ALG9: variants seen among roughly 807,000 people sequenced by gnomAD.
ALG9 encodes ALG9 alpha-1,2-mannosyltransferase.
ALG9 carries 55 observed loss-of-function variants against 81.8 expected under a neutral mutation model. The observed-to-expected ratio is 0.67, with a 90% CI of 0.54 to 0.84. ALG9 has a LOEUF of 0.84. ALG9 is among the 40% of genes least tolerant of loss of function. ALG9 has a pLI of 0.00. For missense variants in ALG9, 629 were observed against 745.0 expected, an observed-to-expected ratio of 0.84 and a Z score of 1.81; for synonymous variants, 278 against 274.3, an observed-to-expected ratio of 1.01 and a Z score of -0.13.
chr11:111,811,343 G>C lies in ALG9; in HGVS notation c.1603-1570C>G, dbSNP rs184246712. ...AGATCACCTGAGGTCAGGAGTTCAAGATCAGCCTGGCCAACATGGGGAAAC... is the reference window on the plus strand; with the variant it reads ...AGATCACCTGAGGTCAGGAGTTCAACATCAGCCTGGCCAACATGGGGAAAC... On this transcript the variant is annotated intron_variant, in intron 13 of 14. Transcript: ENST00000616540. Among the ~76,000 whole-genome samples, 23 of 152,244 alleles carry C rather than the reference G, an allele frequency of 1.5e-4. No individual in the cohort carries two copies. In the East Asian group the frequency reaches 4.4e-3, roughly 29 times the overall value.
downstream of ALG9, among the ~76,000 whole-genome samples, chr11:111,780,104 C>T (rs1555056408): frequency 6.6e-6 from 1 of 152,166 alleles, no homozygotes; most frequent in Non-Finnish European, 1.5e-5. Flanking sequence ...CCTAGCAGGA[C>T]ATGTAGCTGG....
At chr11:111,776,320 T>G in the ALG9 span, among the ~76,000 whole-genome samples, 1 of 152,166 alleles carries the variant, frequency 6.6e-6, no homozygotes, top group Non-Finnish European at 1.5e-5. Context: ...CTGGACATAG[T>G]GGTTCACGCC....
intron 11 of ALG9, 68 bp downstream of exon 11, chr11:111,838,181 A>T: frequency 6.3e-7 from 1 of 1,584,780 alleles, no homozygotes; most frequent in Non-Finnish European, 8.7e-7. Flanking sequence ...TTATATAATC[A>T]TGAATCAAGT....
At position 111,796,204 on chromosome 11, in the gene ALG9, A is replaced by C. The variant is rs555148502; in HGVS notation, c.1734-9684T>G. Among the ~76,000 whole-genome samples, 239 of 152,328 alleles carry C rather than the reference A, an allele frequency of 1.6e-3. 1 individual carries two copies. Among genetic ancestry groups the C allele is most frequent in the Admixed American group, 3.7e-3 (56 of 15,298 alleles). ...TACCATCTTTTTTCTATTTAGTATA[A>C]ATCCAGTTTTAAGAATGTGAAATAC... is the stretch of plus-strand genomic sequence containing the variant. On this transcript the variant is annotated intron_variant, in intron 14 of 14. Transcript: ENST00000616540.
At chr11:111,853,831 C>T in intron 6 of ALG9, 95 bp from the exon 7 acceptor site, 8 of 1,151,416 alleles carry the variant, frequency 6.9e-6, no homozygotes, top group Non-Finnish European at 1.1e-5. Context: ...GAATAAAATG[C>T]CTCTGCCAGT....
intron 8 of ALG9, 136 bp from the exon 9 acceptor site, chr11:111,844,859 C>T: frequency 1.1e-6 from 1 of 932,274 alleles, no homozygotes; most frequent in Non-Finnish European, 1.7e-6. Flanking sequence ...ACAGCCCACT[C>T]TTCCCATGCT....
chr11:111,788,416 A>G (rs1187916501), intron 14 of ALG9: 1 of 453,940 alleles, frequency 2.2e-6, no homozygotes, highest in Non-Finnish European at 4.4e-6. Context: ...TATAAATAAA[A>G]TGAACAGGAA....
At chr11:111,849,752 G>C (rs1001605140) in intron 8 of ALG9, 1 of 152,130 alleles carries the variant, frequency 6.6e-6, no homozygotes, top group South Asian at 2.1e-4. Context: ...TCCTGTGTTA[G>C]TTTGCTGAGG....
intron 14 of ALG9, among the ~76,000 whole-genome samples, chr11:111,797,519 G>A (rs1383316423): frequency 1.3e-5 from 2 of 152,214 alleles, no homozygotes; most frequent in Admixed American, 6.5e-5. Flanking sequence ...CCAGAACCAC[G>A]AGAAGAAACA....
chr11:111,865,946 G>A (rs1555152449), intron 3 of ALG9, among the ~76,000 whole-genome samples: 1 of 152,112 alleles, frequency 6.6e-6, no homozygotes, highest in East Asian at 1.9e-4. Flanking sequence ...TTATACTACA[G>A]AATACCATAT....
intron 13 of ALG9, among the ~76,000 whole-genome samples, chr11:111,828,041 T>A (rs1174445659): frequency 6.6e-6 from 1 of 151,734 alleles, no homozygotes; most frequent in Non-Finnish European, 1.5e-5. Context: ...TACAAAAAAA[T>A]TGGCCAGGCA....
the ALG9 span, among the ~76,000 whole-genome samples, chr11:111,772,976 C>T: frequency 1.3e-4 from 19 of 151,914 alleles, no homozygotes; most frequent in South Asian, 2.1e-4. Flanking sequence ...CGGTGGCTCA[C>T]GCCTGTAATC....
intron 13 of ALG9, among the ~76,000 whole-genome samples, chr11:111,812,640 T>C (rs542979853): frequency 2.6e-5 from 4 of 152,048 alleles, no homozygotes; most frequent in Non-Finnish European, 4.4e-5. Context: ...CAGTAGGCCA[T>C]GTACAGTGGC....
intron 3 of ALG9, among the ~76,000 whole-genome samples, chr11:111,867,125 A>C (rs782437971): frequency 2.6e-5 from 4 of 152,202 alleles, no homozygotes; most frequent in African/African-American, 4.8e-5. Flanking sequence ...AACAAACAAA[A>C]AAATGGAAAT....
At chr11:111,802,782 TC>T (rs1354286762) in intron 14 of ALG9, among the ~76,000 whole-genome samples, 1 of 152,210 alleles carries the variant, frequency 6.6e-6, no homozygotes, top group East Asian at 1.9e-4. Context: ...CGTTTAAGGC[TC>T]CAACGGATTC....
intron 14 of ALG9, among the ~76,000 whole-genome samples, chr11:111,803,955 A>C (rs2136346587): frequency 6.6e-6 from 1 of 152,048 alleles, no homozygotes; most frequent in South Asian, 2.1e-4. Context: ...CAACATGGTG[A>C]AACCCCGTCT....
downstream of ALG9, among the ~76,000 whole-genome samples, chr11:111,779,766 GAAAAAAAGGGA>G (rs1555056320): frequency 6.6e-6 from 1 of 151,634 alleles, no homozygotes; most frequent in Non-Finnish European, 1.5e-5. Context: ...AGAATTCACT[GAAAAAAAGGGA>G]AAAAAAAGCT....
At chr11:111,802,346 T>C (rs1021558925) in intron 14 of ALG9, among the ~76,000 whole-genome samples, 3 of 152,208 alleles carry the variant, frequency 2.0e-5, no homozygotes, top group Admixed American at 6.5e-5. Context: ...TGGAACAGTA[T>C]TCAGCAATAA....
downstream of ALG9, among the ~76,000 whole-genome samples, chr11:111,778,707 T>A (rs1389534726): frequency 6.6e-6 from 1 of 151,938 alleles, no homozygotes; most frequent in Non-Finnish European, 1.5e-5. Context: ...GTTAGCTAGA[T>A]CACCTGGAGA....
Sources: allele counts gnomAD v4.1 joint callset (sites outside exome capture counted in the v4.1 genomes callset), GRCh38; gene constraint gnomAD v4.1.1; transcripts MANE v1.5; gene names NCBI Gene and HGNC (gene_info 2026-07-23, HGNC 2026-07-21).